Variants in RBM33 observed in about 807,000 individuals in gnomAD.
RBM33 encodes the protein RNA-binding protein 33.
In RBM33, 28 loss-of-function variants were observed where a neutral mutation model predicts 132.6. That is an observed-to-expected ratio of 0.21 (90% confidence interval 0.16 to 0.29). The LOEUF (loss-of-function observed/expected upper bound fraction) is 0.29, where lower values mean the gene tolerates loss of function less well. Ranked by LOEUF, RBM33 falls within the 10% of genes least tolerant of loss-of-function variation. The pLI, the probability that RBM33 is intolerant of heterozygous loss-of-function variation, is 1.00. For missense variants in RBM33, 1,291 were observed against 1,518.5 expected, an observed-to-expected ratio of 0.85 and a Z score of 2.49; for synonymous variants, 634 against 593.0, an observed-to-expected ratio of 1.07 and a Z score of -1.01.
At chr7:155,698,104 C>G (rs1404815478) in intron 5 of RBM33, among the ~76,000 whole-genome samples, 1 of 152,138 alleles carries the variant, frequency 6.6e-6, no homozygotes, top group Non-Finnish European at 1.5e-5. Context: ...CGTGGTGGCT[C>G]AGGCCTGTAA....
At chr7:155,759,187 A>G (rs9654728) in intron 14 of RBM33, among the ~76,000 whole-genome samples, 37,976 of 152,184 alleles carry the variant, frequency 0.25, 5,159 homozygotes, top group African/African-American at 0.35. Context: ...GATGAGGAAG[A>G]GAAAGGCTTT....
At chr7:155,687,465 A>C (rs1799513975) in intron 5 of RBM33, among the ~76,000 whole-genome samples, 1 of 152,184 alleles carries the variant, frequency 6.6e-6, no homozygotes, top group Non-Finnish European at 1.5e-5. Context: ...TGCTGTGCAG[A>C]AGCTCTTTAC....
In RBM33 at chr7:155,766,575, G is replaced by A. The variant is rs781533270; in HGVS notation, c.3295G>A (p.Val1099Met). ...RVVECKPQPC[V>M]VSVEGLSSST... Reference sequence around the variant, plus strand: ...GGTGGAGTGCAAGCCCCAGCCCTGCGTGGTGTCTGTGGAGGGGCTGTCCTC... The same window carrying A: ...GGTGGAGTGCAAGCCCCAGCCCTGCATGGTGTCTGTGGAGGGGCTGTCCTC... The change falls in exon 16 of 18, where the codon GTG becomes ATG. Residue 1099 changes from valine (V) to methionine (M), a missense_variant. Val to Met is a conservative substitution (Grantham distance 21, BLOSUM62 1). Transcript: ENST00000401878. 15 of 1,613,206 alleles carry A rather than the reference G, an allele frequency of 9.3e-6. No homozygotes were observed. Among genetic ancestry groups the A allele is most frequent in the African/African-American group, 6.7e-5 (5 of 75,040 alleles).
intron 5 of RBM33, among the ~76,000 whole-genome samples, chr7:155,683,232 C>T (rs546912248): frequency 6.6e-6 from 1 of 152,266 alleles, no homozygotes; most frequent in South Asian, 2.1e-4. Context: ...AGGAGATACG[C>T]AGAGAATTAA....
chr7:155,726,388 A>G (rs1585493646), intron 9 of RBM33, among the ~76,000 whole-genome samples: 2 of 151,798 alleles, frequency 1.3e-5, no homozygotes, highest in African/African-American at 4.8e-5. Flanking sequence ...CTGAGTTATC[A>G]GTTCTTCTTG....
chr7:155,701,691 T>G (rs1417516702), intron 6 of RBM33, among the ~76,000 whole-genome samples: 1 of 152,124 alleles, frequency 6.6e-6, no homozygotes, highest in Non-Finnish European at 1.5e-5. Context: ...GTTGTATTTT[T>G]TTTGTTTTGT....
At chr7:155,686,471 T>C (rs1284132353) in intron 5 of RBM33, among the ~76,000 whole-genome samples, 1 of 151,816 alleles carries the variant, frequency 6.6e-6, no homozygotes, top group Non-Finnish European at 1.5e-5. Flanking sequence ...GTTCGTGGTA[T>C]TTTTTTTCTT....
At chr7:155,753,346 C>T (rs574366381) in intron 14 of RBM33, among the ~76,000 whole-genome samples, 2 of 152,322 alleles carry the variant, frequency 1.3e-5, no homozygotes, top group African/African-American at 4.8e-5. Context: ...TGTTAAGTGG[C>T]AAATCTGCAG....
rs754177553 is a variant in RBM33 at position 155,739,879 on chromosome 7, GCACCACCAC to G, written c.1916_1924del (p.His639_His641del). The G allele has an allele frequency of 2.4e-5, 33 of 1,386,402 alleles. No individual in the cohort carries two copies. Among genetic ancestry groups the G allele is most frequent in the Middle Eastern group, 3.8e-4 (2 of 5,202 alleles). The allele number at this position is 1,386,402 out of a possible 1,614,324, so 85.9% of individuals were successfully genotyped here. A position where few individuals can be genotyped will look rare whatever the true frequency, so the allele number is the denominator to read the frequency against. On this transcript the variant is annotated inframe_deletion, in exon 12 of 18. Coordinates refer to ENST00000401878, the MANE Select transcript of RBM33 (RefSeq NM_053043.3). ...CACCACAGCACCCGCCGCAGCACCA[GCACCACCAC>G]CACCACCACCACCTGTCCGTCCCGC...
At chr7:155,661,084 T>TGTGTGTGTGTGTG (rs1798626899) in intron 1 of RBM33, among the ~76,000 whole-genome samples, 1 of 141,284 alleles carries the variant, frequency 7.1e-6, no homozygotes, top group Non-Finnish European at 1.5e-5. Context: ...AAATAATTTC[T>TGTGTGTGTGTGTG]GTGTGTGTGT....
intron 14 of RBM33, among the ~76,000 whole-genome samples, chr7:155,757,679 G>T (rs1468590869): frequency 8.5e-5 from 13 of 152,166 alleles, no homozygotes; most frequent in Admixed American, 8.5e-4. Flanking sequence ...GGCAGTTCTT[G>T]CACTGCTATA....
chr7:155,725,714 C>T (rs879402617), intron 9 of RBM33, among the ~76,000 whole-genome samples: 2 of 152,158 alleles, frequency 1.3e-5, no homozygotes, highest in Admixed American at 1.3e-4. Context: ...CATCAAAACA[C>T]CATTTTGTAC....
Position 155,774,738 on chromosome 7 carries a change from G to A in RBM33, c.3464+91G>A. The A allele has an allele frequency of 9.3e-7, 1 of 1,080,782 alleles. No homozygotes were observed. The allele number at this position is 1,080,782 out of a possible 1,614,324, so 66.9% of individuals were successfully genotyped here. On this transcript the variant is annotated intron_variant, in intron 17 of 17. Transcript: ENST00000401878. This position sits in a 1 kb window ranked among gnomAD's most constrained non-coding sequence, Gnocchi z 4.2. ...TCCCATCCATCATGGTAGCAAGCGT[G>A]TGTCCCCACCTGTTCCTGTAGAAGG... is the stretch of plus-strand genomic sequence containing the variant.
intron 9 of RBM33, among the ~76,000 whole-genome samples, chr7:155,731,726 A>G (rs752550412): frequency 3.3e-5 from 5 of 152,208 alleles, no homozygotes; most frequent in South Asian, 4.1e-4. Context: ...TCAGATTTCA[A>G]TTGATGGTGG....
chr7:155,669,001 G>A (rs1167588120), intron 2 of RBM33, among the ~76,000 whole-genome samples: 1 of 152,248 alleles, frequency 6.6e-6, no homozygotes, highest in African/African-American at 2.4e-5. Flanking sequence ...ATTGTTTACC[G>A]TATTATGAAT....
At chr7:155,667,493 T>A (rs1798831855) in intron 2 of RBM33, among the ~76,000 whole-genome samples, 1 of 152,252 alleles carries the variant, frequency 6.6e-6, no homozygotes. Context: ...AAAGAATTTT[T>A]TGTTCTGATT....
At chr7:155,704,039 C>G (rs1211863307) in intron 6 of RBM33, among the ~76,000 whole-genome samples, 2 of 152,150 alleles carry the variant, frequency 1.3e-5, no homozygotes, top group Non-Finnish European at 2.9e-5. Flanking sequence ...TCCCCAATTT[C>G]TGACTCTAAA....
At chr7:155,760,244 G>A (rs1041820074) in intron 14 of RBM33, among the ~76,000 whole-genome samples, 3 of 152,166 alleles carry the variant, frequency 2.0e-5, no homozygotes, top group Non-Finnish European at 2.9e-5. Flanking sequence ...TGTTGTGGTC[G>A]GCATCCTTGG....
intron 6 of RBM33, 27 bp from the exon 7 acceptor site, chr7:155,706,833 C>G: frequency 3.2e-6 from 5 of 1,562,934 alleles, no homozygotes; most frequent in South Asian, 2.4e-5. Flanking sequence ...CGGAAAGTAA[C>G]TAACACATAC....
Sources: gnomAD v4.1 joint callset for allele counts (sites outside exome capture counted in the v4.1 genomes callset) on GRCh38, gnomAD v4.1.1 for gene constraint, Gnocchi (gnomAD v3.1) non-coding constraint, MANE v1.5 for transcripts, NCBI Gene and HGNC (gene_info 2026-07-23, HGNC 2026-07-21) for gene names.